APBA2: variants seen among roughly 807,000 people sequenced by gnomAD.
APBA2 encodes amyloid beta precursor protein binding family A member 2.
APBA2 carries 30 observed loss-of-function variants against 75.0 expected under a neutral mutation model. The ratio of observed to expected loss-of-function variants is 0.40; its 90% confidence interval spans 0.30 to 0.54. The LOEUF is 0.54. APBA2 is among the 20% of genes least tolerant of loss of function. The probability of loss-of-function intolerance (pLI) is 0.49; values close to 1 mark genes in which losing one functional copy is unlikely to be tolerated. For synonymous variants in APBA2, 444 were observed against 409.6 expected, an observed-to-expected ratio of 1.08 and a Z score of -1.01; for missense variants, 801 against 1,016.1, an observed-to-expected ratio of 0.79 and a Z score of 2.88.
rs922951788 is a variant in APBA2, at chr15:28,886,077, C to T, written c.-406C>T. On this transcript the variant is annotated 5_prime_UTR_variant, in exon 1 of 15. Coordinates refer to ENST00000683413, the MANE Select transcript of APBA2 (RefSeq NM_001353788.2). Reference sequence around the variant, plus strand: ...GCCCCGCAGCCGCGCCGCGTGCGCCCGGCAGAGGCGGCCCTGCGTGCCGTA... The same window carrying T: ...GCCCCGCAGCCGCGCCGCGTGCGCCTGGCAGAGGCGGCCCTGCGTGCCGTA... 4.0e-4 allele frequency: 60 copies of T among 149,200 alleles called. No individual in the cohort carries two copies. The highest frequency in any genetic ancestry group is 7.9e-4 in the Non-Finnish European group (53 of 66,940). 9.2% of individuals were successfully genotyped at this position (149,200 alleles called of 1,614,324 possible). A position where few individuals can be genotyped will look rare whatever the true frequency, so the allele number is the denominator to read the frequency against.
At chr15:28,997,433 A>C (rs892159929) in intron 3 of APBA2, among the ~76,000 whole-genome samples, 2 of 152,236 alleles carry the variant, frequency 1.3e-5, no homozygotes, top group African/African-American at 4.8e-5. Context: ...GGTTGTAAAC[A>C]TACTTCAGCC....
intron 1 of APBA2, among the ~76,000 whole-genome samples, chr15:28,887,237 C>T (rs2152594621): frequency 6.6e-6 from 1 of 152,354 alleles, no homozygotes; most frequent in African/African-American, 2.4e-5. Flanking sequence ...ACCCCGAACT[C>T]GGCATCTTGC....
At chr15:29,086,336 C>T (rs966013592) in intron 6 of APBA2, among the ~76,000 whole-genome samples, 1 of 152,218 alleles carries the variant, frequency 6.6e-6, no homozygotes, top group Admixed American at 6.5e-5. Context: ...AAGCCACACC[C>T]AGATTCCCGA....
chr15:28,898,649 G>C (rs988294058), intron 1 of APBA2, among the ~76,000 whole-genome samples: 8 of 152,182 alleles, frequency 5.3e-5, no homozygotes, highest in African/African-American at 1.7e-4. Flanking sequence ...GTTTGCATGG[G>C]AAGGTTCCAT....
intron 13 of APBA2, among the ~76,000 whole-genome samples, chr15:29,109,818 A>G (rs914879829): frequency 6.6e-6 from 1 of 152,218 alleles, no homozygotes; most frequent in African/African-American, 2.4e-5. Flanking sequence ...CAGCTGAGAA[A>G]ATCCATAAAG....
chr15:29,080,737 A>G (rs143157460), intron 6 of APBA2, among the ~76,000 whole-genome samples: 22 of 152,284 alleles, frequency 1.4e-4, no homozygotes, highest in Non-Finnish European at 2.9e-4. Flanking sequence ...GTATATGTGA[A>G]TGACCAGCTT....
chr15:28,990,321 A>C (rs1478276941), intron 2 of APBA2: 1 of 151,734 alleles, frequency 6.6e-6, no homozygotes, highest in East Asian at 1.9e-4. Context: ...GAGGCGGGAG[A>C]ATTGCTTGAA....
intron 2 of APBA2, among the ~76,000 whole-genome samples, chr15:28,939,881 T>G (rs1199147464): frequency 6.6e-6 from 1 of 152,126 alleles, no homozygotes; most frequent in Non-Finnish European, 1.5e-5. Context: ...CCGTAAGGAC[T>G]GGGGGGAACG....
At chr15:28,915,261 TAGCCCATACACACCACACACCACACA>T (rs2033633630) in intron 1 of APBA2, among the ~76,000 whole-genome samples, 1 of 72,062 alleles carries the variant, frequency 1.4e-5, no homozygotes, top group African/African-American at 4.9e-5. Context: ...ACCACACACA[TAGCCCATACACACCACACACCACACA>T]CATACCCCAT....
chr15:29,067,392 G>A (rs549808999), intron 4 of APBA2, among the ~76,000 whole-genome samples: 13 of 152,304 alleles, frequency 8.5e-5, no homozygotes, highest in Admixed American at 2.6e-4. Flanking sequence ...GTGTGTGGTC[G>A]TGAGGCGGTG....
At chr15:28,988,685 C>T (rs1463217852) in intron 2 of APBA2, among the ~76,000 whole-genome samples, 5 of 152,190 alleles carry the variant, frequency 3.3e-5, no homozygotes, top group Non-Finnish European at 7.3e-5. Flanking sequence ...GACTATTTGT[C>T]GTTCTCCATT....
intron 1 of APBA2, among the ~76,000 whole-genome samples, chr15:28,886,867 C>T (rs1280215269): frequency 2.6e-5 from 4 of 152,234 alleles, no homozygotes; most frequent in Non-Finnish European, 5.9e-5. Context: ...CGGACCTGCC[C>T]CTCGGCCTGG....
chr15:29,114,084 C>T (rs1331215094), intron 14 of APBA2, 68 bp downstream of exon 14: 1 of 1,606,196 alleles, frequency 6.2e-7, no homozygotes, highest in Non-Finnish European at 8.5e-7. Context: ...CCTCCATGAG[C>T]CTCCCCCGCT....
intron 6 of APBA2, 89 bp from the exon 7 acceptor site, chr15:29,092,986 C>T (rs1368043262): frequency 3.9e-6 from 6 of 1,549,096 alleles, no homozygotes; most frequent in Non-Finnish European, 5.3e-6. Context: ...TCCTGGCTGC[C>T]GTGTTCCTTG....
intron 14 of APBA2, among the ~76,000 whole-genome samples, chr15:29,115,836 G>A (rs1013757627): frequency 1.3e-5 from 2 of 152,298 alleles, no homozygotes; most frequent in Admixed American, 1.3e-4. Context: ...AAGCAGAGCT[G>A]CGCGATGTGC....
At chr15:28,970,486 G>A (rs1389736245) in intron 2 of APBA2, 1 of 149,260 alleles carries the variant, frequency 6.7e-6, no homozygotes, top group African/African-American at 2.5e-5. Flanking sequence ...AGACCAGCCT[G>A]GGGCCACATA....
chr15:28,908,313 T>A (rs142364728), intron 1 of APBA2, among the ~76,000 whole-genome samples: 1,914 of 148,724 alleles, frequency 0.013, 21 homozygotes, highest in Non-Finnish European at 0.017. Context: ...TTTTGTTTTC[T>A]TGTTTTTTTT....
intron 2 of APBA2, among the ~76,000 whole-genome samples, chr15:28,972,514 G>A (rs1566859409): frequency 6.6e-6 from 1 of 152,188 alleles, no homozygotes; most frequent in Non-Finnish European, 1.5e-5. Context: ...CAAGTTATAT[G>A]CAAAGTCTGG....
chr15:29,111,887 G>T (rs1478106631), intron 13 of APBA2, among the ~76,000 whole-genome samples: 2 of 152,176 alleles, frequency 1.3e-5, no homozygotes, highest in South Asian at 4.1e-4. Context: ...AGACCCGAGG[G>T]TGCTGGCTAC....
Sources: gnomAD v4.1 joint callset for allele counts (sites outside exome capture counted in the v4.1 genomes callset) on GRCh38, gnomAD v4.1.1 for gene constraint, MANE v1.5 for transcripts, NCBI Gene and HGNC (gene_info 2026-07-23, HGNC 2026-07-21) for gene names.